The following SLC6A20 variants were observed in gnomAD, a reference collection of about 807,000 sequenced individuals.
SLC6A20 encodes the protein solute carrier family 6 member 20, also known as sodium- and chloride-dependent transporter XTRP3.
A neutral mutation model predicts 64.3 loss-of-function variants in SLC6A20; 73 were observed. That is an observed-to-expected ratio of 1.14 (90% CI 0.94 to 1.38). The LOEUF (loss-of-function observed/expected upper bound fraction) is 1.38, where lower values mean the gene tolerates loss of function less well. Ranked by LOEUF, SLC6A20 falls within the 40% of genes most tolerant of loss-of-function variation. SLC6A20 has a pLI of 0.00. For missense variants in SLC6A20, 725 were observed against 772.8 expected, an observed-to-expected ratio of 0.94 and a Z score of 0.73; for synonymous variants, 347 against 329.6, an observed-to-expected ratio of 1.05 and a Z score of -0.57.
intron 5 of SLC6A20, 61 bp from the exon 6 acceptor site, chr3:45,771,519 C>T (rs1051408750): frequency 1.4e-5 from 22 of 1,603,120 alleles, no homozygotes; most frequent in East Asian, 6.7e-5. Context: ...TGCTCAGACC[C>T]GCAACAGGAG....
Position 45,780,057 on chromosome 3 carries a change from G to A in SLC6A20, c.306C>T (p.Tyr102=). ...AGAAGGCCCAGGCGTTGATGACGTT[G>A]TAGTACATGGAGAGGAAGAAAGAGA... is the stretch of plus-strand genomic sequence containing the variant. ...VVVSFFLSMY[Y]NVINAWAFWY... is the part of the protein sequence containing the mutation. Residue 102 remains tyrosine (Y), a synonymous_variant, in exon 3 of 11, where the codon TAC becomes TAT. Coordinates refer to ENST00000358525, the MANE Select transcript of SLC6A20 (RefSeq NM_020208.4). The A allele has an allele frequency of 1.9e-6, 3 of 1,604,840 alleles. No individual in the cohort carries two copies. The highest frequency in any genetic ancestry group is 2.6e-6 in the Non-Finnish European group (3 of 1,175,578).
At chr3:45,790,791 A>G (rs1180731401) in intron 1 of SLC6A20, among the ~76,000 whole-genome samples, 1 of 152,050 alleles carries the variant, frequency 6.6e-6, no homozygotes, top group Non-Finnish European at 1.5e-5. Context: ...CCACCTTCTT[A>G]GCCTGTTATT....
At chr3:45,787,686 G>C (rs1700192782) in intron 1 of SLC6A20, among the ~76,000 whole-genome samples, 1 of 152,066 alleles carries the variant, frequency 6.6e-6, no homozygotes, top group South Asian at 2.1e-4. Flanking sequence ...CCCTGTTGTT[G>C]AGGCACCTGC....
In SLC6A20 at chr3:45,796,484, C is replaced by A. The variant is rs963155689; in HGVS notation, c.-65G>T. The A allele has an allele frequency of 2.7e-6, 4 of 1,499,804 alleles. No individual in the cohort carries two copies. Among genetic ancestry groups the A allele is most frequent in the African/African-American group, 2.9e-5 (2 of 69,428 alleles). The allele number at this position is 1,499,804 out of a possible 1,614,324, so 92.9% of individuals were successfully genotyped here. A position where few individuals can be genotyped will look rare whatever the true frequency, so the allele number is the denominator to read the frequency against. ...CGGCACGGCAGTCTCAGTGCGCGGT[C>A]GCCAGGCGCGCCGTCCCACCCCGGC... On this transcript the variant is annotated 5_prime_UTR_variant, in exon 1 of 11. Transcript: ENST00000358525.
At chr3:45,782,046 T>G in intron 2 of SLC6A20, 37 bp downstream of exon 2, 1 of 1,554,520 alleles carries the variant, frequency 6.4e-7, no homozygotes, top group Non-Finnish European at 8.7e-7. Context: ...GCTGCCCGGG[T>G]CTCTGGGTGG....
At chr3:45,780,409 AT>A (rs1409475078) in intron 2 of SLC6A20, among the ~76,000 whole-genome samples, 3 of 152,210 alleles carry the variant, frequency 2.0e-5, no homozygotes, top group African/African-American at 7.2e-5. Flanking sequence ...TTACAACAGT[AT>A]TATCTTCATA....
chr3:45,766,803 C>T (rs756949980), intron 7 of SLC6A20, among the ~76,000 whole-genome samples: 13 of 152,140 alleles, frequency 8.5e-5, no homozygotes, highest in Non-Finnish European at 1.8e-4. Flanking sequence ...CCCTGCTGGC[C>T]CTTGATCTTG....
At chr3:45,774,099 A>G (rs550036924) in intron 4 of SLC6A20, among the ~76,000 whole-genome samples, 2 of 152,332 alleles carry the variant, frequency 1.3e-5, no homozygotes, top group African/African-American at 4.8e-5. Flanking sequence ...ACCACTCTGC[A>G]GAGATTCTGG....
chr3:45,776,743 A>G (rs1220861228), intron 3 of SLC6A20, among the ~76,000 whole-genome samples: 1 of 152,170 alleles, frequency 6.6e-6, no homozygotes, highest in African/African-American at 2.4e-5. Context: ...ATCAGCAAAG[A>G]CCACCCAAGT....
At chr3:45,773,281 A>G (rs571800213) in intron 4 of SLC6A20, among the ~76,000 whole-genome samples, 2 of 152,330 alleles carry the variant, frequency 1.3e-5, no homozygotes, top group East Asian at 3.9e-4. Flanking sequence ...GGAAATTCAG[A>G]TCTGATTTTT....
At chr3:45,771,159 G>A (rs1057258862) in intron 6 of SLC6A20, 58 bp downstream of exon 6, 11 of 1,607,438 alleles carry the variant, frequency 6.8e-6, no homozygotes, top group Middle Eastern at 1.7e-4. Flanking sequence ...TTGCCCAGGC[G>A]ACCCTTCAGC....
At position 45,758,648 on chromosome 3, in the gene SLC6A20, C is replaced by T; in HGVS notation, c.*330G>A. The T allele has an allele frequency of 8.7e-7, 1 of 1,143,698 alleles. No individual in the cohort carries two copies. The highest frequency in any genetic ancestry group is 2.3e-5 in the South Asian group (1 of 44,284). The allele number at this position is 1,143,698 out of a possible 1,614,324, so 70.8% of individuals were successfully genotyped here. A position where few individuals can be genotyped will look rare whatever the true frequency, so the allele number is the denominator to read the frequency against. On this transcript the variant is annotated 3_prime_UTR_variant, in exon 11 of 11. Transcript: ENST00000358525. Reference sequence around the variant, plus strand: ...AAAACAAAAATTGCTTAAATTTGGTCCCATAAGAATTATAGTCATATTTCA... The same window carrying T: ...AAAACAAAAATTGCTTAAATTTGGTTCCATAAGAATTATAGTCATATTTCA...
chr3:45,769,856 T>TA (rs889435353), intron 7 of SLC6A20, among the ~76,000 whole-genome samples: 1 of 152,272 alleles, frequency 6.6e-6, no homozygotes, highest in African/African-American at 2.4e-5. Flanking sequence ...TTCTTTTATA[T>TA]AAAAAAATCT....
In SLC6A20 at chr3:45,759,817, C is replaced by T. The variant is rs181540332; in HGVS notation, c.1629+40G>A. The T allele has an allele frequency of 1.5e-4, 238 of 1,575,026 alleles. No homozygotes were observed. In the African/African-American group the frequency reaches 2.8e-3, roughly 19 times the overall value. On this transcript the variant is annotated intron_variant, in intron 10 of 10. Coordinates refer to ENST00000358525, the MANE Select transcript of SLC6A20 (RefSeq NM_020208.4). ...TGAATGGCCCATGCTTTTCAGTGGC[C>T]ATGGGGGCCCAGCGCCAGCCCTACG...
At chr3:45,772,314 G>A (rs528946864) in intron 5 of SLC6A20, 191 bp downstream of exon 5, 48 of 539,984 alleles carry the variant, frequency 8.9e-5, no homozygotes, top group Middle Eastern at 7.9e-4. Context: ...CAGGGAGTGG[G>A]GATGACCTGG....
chr3:45,780,213 G>GC (rs1700054655), intron 2 of SLC6A20, 113 bp from the exon 3 acceptor site: 2 of 887,890 alleles, frequency 2.3e-6, no homozygotes, highest in South Asian at 3.2e-5. Flanking sequence ...GGTGGGCGAG[G>GC]CCTCCCTCCA....
At chr3:45,786,957 C>G (rs971691604) in intron 1 of SLC6A20, among the ~76,000 whole-genome samples, 1 of 152,210 alleles carries the variant, frequency 6.6e-6, no homozygotes. Context: ...AATCCTTACT[C>G]ATCACCACCT....
Position 45,758,799 on chromosome 3 carries a change from C to G in SLC6A20, c.*179G>C. 1 of 1,352,162 alleles carries G rather than the reference C, an allele frequency of 7.4e-7. No individual in the cohort carries two copies. Among genetic ancestry groups the G allele is most frequent in the Non-Finnish European group, 9.5e-7 (1 of 1,051,392 alleles). 83.8% of individuals were successfully genotyped at this position (1,352,162 alleles called of 1,614,324 possible). On this transcript the variant is annotated 3_prime_UTR_variant, in exon 11 of 11. Coordinates refer to ENST00000358525, the MANE Select transcript of SLC6A20 (RefSeq NM_020208.4). ...AGGTGACAGGGAGGAACAGCCACCA[C>G]GGGAGGGTGTGCGTTCTCCCAAGGG...
At chr3:45,780,748 G>A (rs376389825) in intron 2 of SLC6A20, among the ~76,000 whole-genome samples, 19 of 152,134 alleles carry the variant, frequency 1.2e-4, no homozygotes, top group Admixed American at 3.3e-4. Context: ...GAGAACCAGC[G>A]TCCCCTCCTC....
Sources: gnomAD v4.1 joint callset for allele counts (sites outside exome capture counted in the v4.1 genomes callset) on GRCh38, gnomAD v4.1.1 for gene constraint, MANE v1.5 for transcripts, NCBI Gene and HGNC (gene_info 2026-07-23, HGNC 2026-07-21) for gene names.